The following ARHGAP21 variants were observed in gnomAD, a reference collection of about 807,000 sequenced individuals.
The protein encoded by ARHGAP21 is rho GTPase-activating protein 21.
ARHGAP21 carries 38 observed loss-of-function variants against 164.6 expected under a neutral mutation model. That is an observed-to-expected ratio of 0.23 (90% CI 0.18 to 0.30). ARHGAP21 has a LOEUF of 0.30. Among genes scored for constraint, ARHGAP21 ranks in the 10% least tolerant of loss-of-function variants. The pLI is 1.00. For synonymous variants in ARHGAP21, 766 were observed against 857.9 expected (o/e 0.89, Z 1.87); for missense variants, 1,822 against 2,370.7 (o/e 0.77, Z 4.81).
At chr10:24,697,787 G>C (rs1843299760) in intron 2 of ARHGAP21, among the ~76,000 whole-genome samples, 1 of 152,104 alleles carries the variant, frequency 6.6e-6, no homozygotes, top group Non-Finnish European at 1.5e-5. Context: ...TTGAACCTGA[G>C]AGGCAGAGGT....
chr10:24,656,211 G>T (rs552345377), intron 4 of ARHGAP21, among the ~76,000 whole-genome samples: 1 of 139,612 alleles, frequency 7.2e-6, no homozygotes, highest in South Asian at 2.3e-4. Flanking sequence ...CGGGAGGGAG[G>T]TGGGGGGGTC....
At chr10:24,682,130 T>C (rs923936906) in intron 2 of ARHGAP21, among the ~76,000 whole-genome samples, 14 of 149,462 alleles carry the variant, frequency 9.4e-5, no homozygotes, top group African/African-American at 3.4e-4. Flanking sequence ...AAAAAAAACA[T>C]AGGGGTCACT....
At chr10:24,682,891 T>C (rs1399080381) in intron 2 of ARHGAP21, among the ~76,000 whole-genome samples, 1 of 151,832 alleles carries the variant, frequency 6.6e-6, no homozygotes, top group Non-Finnish European at 1.5e-5. Flanking sequence ...GTCAGGAGAT[T>C]GAGACCATCC....
chr10:24,607,627 T>G, intron 10 of ARHGAP21, 26 bp from the exon 11 acceptor site: 1 of 1,612,370 alleles, frequency 6.2e-7, no homozygotes, highest in Non-Finnish European at 8.5e-7. Context: ...ATCCAATATT[T>G]AGACATTCAC....
At chr10:24,617,942 T>C (rs181752321) in intron 9 of ARHGAP21, among the ~76,000 whole-genome samples, 1 of 152,142 alleles carries the variant, frequency 6.6e-6, no homozygotes, top group Non-Finnish European at 1.5e-5. Context: ...CTGCATCGCA[T>C]GCCTCCAGGG....
At chr10:24,683,440 T>C (rs1002709815) in intron 2 of ARHGAP21, among the ~76,000 whole-genome samples, 2 of 152,152 alleles carry the variant, frequency 1.3e-5, no homozygotes, top group African/African-American at 2.4e-5. Flanking sequence ...TTTACCTGGA[T>C]AGCACATTTC....
At chr10:24,702,367 G>A (rs1252396737) in intron 2 of ARHGAP21, among the ~76,000 whole-genome samples, 1 of 151,814 alleles carries the variant, frequency 6.6e-6, no homozygotes, top group Non-Finnish European at 1.5e-5. Flanking sequence ...TCCTGACCTC[G>A]TGATCCGCCT....
At chr10:24,592,470 G>A (rs559701490) in intron 21 of ARHGAP21, among the ~76,000 whole-genome samples, 1 of 152,100 alleles carries the variant, frequency 6.6e-6, no homozygotes, top group South Asian at 2.1e-4. Context: ...TTCAAAACGA[G>A]GGTTACCAAA....
chr10:24,696,511 C>T lies in ARHGAP21; in HGVS notation c.63+25326G>A, dbSNP rs138825308. Among the ~76,000 whole-genome samples the T allele has an allele frequency of 4.6e-5, 7 of 152,256 alleles. No individual in the cohort carries two copies. The East Asian group carries it at 1.4e-3, about 29-fold the overall frequency. On this transcript the variant is annotated intron_variant, in intron 2 of 25. Transcript: ENST00000396432. ...AAGTACTCAGAAGTGTACTGTGCCT[C>T]TGTAGTGGGGCAGAGTGGTTCTGAG...
intron 2 of ARHGAP21, among the ~76,000 whole-genome samples, chr10:24,701,047 C>T (rs1263666449): frequency 1.3e-5 from 2 of 152,136 alleles, no homozygotes; most frequent in Non-Finnish European, 2.9e-5. Flanking sequence ...GTAAAGCCTC[C>T]GTCTACTGGT....
At chr10:24,618,266 G>T (rs567731258) in intron 9 of ARHGAP21, among the ~76,000 whole-genome samples, 10 of 152,280 alleles carry the variant, frequency 6.6e-5, no homozygotes, top group African/African-American at 2.4e-4. Flanking sequence ...AATACTTACT[G>T]AGTGAATTCT....
intron 3 of ARHGAP21, among the ~76,000 whole-genome samples, chr10:24,668,068 G>T (rs1455680428): frequency 6.6e-6 from 1 of 152,140 alleles, no homozygotes; most frequent in African/African-American, 2.4e-5. Flanking sequence ...TGTGTTACAA[G>T]TATTGTATCA....
chr10:24,658,392 C>G (rs141190898), intron 4 of ARHGAP21, among the ~76,000 whole-genome samples: 1 of 152,108 alleles, frequency 6.6e-6, no homozygotes, highest in Non-Finnish European at 1.5e-5. Context: ...ATGTTTATTG[C>G]GGCACTATTC....
chr10:24,584,509 T>G lies in ARHGAP21; in HGVS notation c.5780A>C (p.Gln1927Pro). 1.2e-6 allele frequency: 2 copies of G among 1,613,978 alleles called. No individual in the cohort carries two copies. The highest frequency in any genetic ancestry group is 1.7e-6 in the Non-Finnish European group (2 of 1,179,870). ...SPDQINGESFQNVSKNASSAA... is the reference protein window; with the variant it reads ...SPDQINGESFPNVSKNASSAA... Reference sequence around the variant, plus strand: ...AGAACTAGCATTTTTGCTCACGTTCTGGAAGCTTTCTCCGTTTATTTGGTC... The same window carrying G: ...AGAACTAGCATTTTTGCTCACGTTCGGGAAGCTTTCTCCGTTTATTTGGTC... The change falls in exon 26 of 26, where the codon CAG becomes CCG. Residue 1927 changes from glutamine (Q) to proline (P), a missense_variant. Around this residue, in one of 5 missense-constraint regions of ARHGAP21, gnomAD observed 165 missense variants for 176.6 expected, o/e 0.93. Coordinates refer to ENST00000396432, the MANE Select transcript of ARHGAP21 (RefSeq NM_020824.4).
At chr10:24,626,151 G>T (rs919139807) in intron 7 of ARHGAP21, among the ~76,000 whole-genome samples, 1 of 152,128 alleles carries the variant, frequency 6.6e-6, no homozygotes, top group Admixed American at 6.5e-5. Flanking sequence ...TATAAAAACC[G>T]ATTAACTTAA....
Position 24,620,546 on chromosome 10 carries a change from G to C in ARHGAP21, c.1349C>G (p.Ser450Cys), listed in dbSNP as rs556146095. The change falls in exon 9 of 26, where the codon TCT (serine) becomes TGT (cysteine). Residue 450 changes from serine (S) to cysteine (C), a missense_variant. By Grantham distance (112) the Ser-to-Cys change is moderately radical. This residue lies in a region of ARHGAP21 where 1,090 missense variants were observed against 1,378.9 expected (regional missense o/e 0.79). Coordinates refer to ENST00000396432, the MANE Select transcript of ARHGAP21 (RefSeq NM_020824.4). ...RSTSHDRVPQ[S>C]VQIRQRSVSQ... ...CACACTGCGTTGCCGTATCTGGACA[G>C]ACTGGGGCACTCGATCATGAGAGGT... 2.5e-5 allele frequency: 40 copies of C among 1,613,904 alleles called. No individual in the cohort carries two copies. In the South Asian group the frequency reaches 4.0e-4, roughly 16 times the overall value.
chr10:24,704,870 G>A (rs1217326945), intron 2 of ARHGAP21, among the ~76,000 whole-genome samples: 1 of 152,116 alleles, frequency 6.6e-6, no homozygotes, highest in Non-Finnish European at 1.5e-5. Context: ...TGGTATTACA[G>A]GCATGAGCCA....
intron 17 of ARHGAP21, 92 bp downstream of exon 17, chr10:24,596,646 GTC>G (rs1229284680): frequency 1.3e-6 from 2 of 1,526,078 alleles, no homozygotes; most frequent in Admixed American, 2.0e-5. Context: ...CAGATTGACA[GTC>G]TCTGTTGTCT....
intron 21 of ARHGAP21, among the ~76,000 whole-genome samples, chr10:24,593,863 ACTTCCTTTCT>A (rs2076452175): frequency 6.6e-6 from 1 of 151,730 alleles, no homozygotes; most frequent in African/African-American, 2.4e-5. Context: ...CTAGGCTTTC[ACTTCCTTTCT>A]CTCTTTTTTT....
Sources: allele counts gnomAD v4.1 joint callset (sites outside exome capture counted in the v4.1 genomes callset), GRCh38; gene constraint gnomAD v4.1.1; regional missense constraint gnomAD v4.1.1; transcripts MANE v1.5; gene names NCBI Gene and HGNC (gene_info 2026-07-23, HGNC 2026-07-21).